Variants in MDH1B observed in about 807,000 individuals in gnomAD.
MDH1B encodes the protein malate dehydrogenase 1B.
In MDH1B, 60 loss-of-function variants were observed where a neutral mutation model predicts 61.4. The ratio of observed to expected loss-of-function variants is 0.98; its 90% CI spans 0.79 to 1.21. The LOEUF (loss-of-function observed/expected upper bound fraction) is 1.21, where lower values mean the gene tolerates loss of function less well. Ranked by LOEUF, MDH1B falls within the 50% of genes most tolerant of loss-of-function variation. The pLI is 0.00. For synonymous variants in MDH1B, 236 were observed against 218.7 expected, an observed-to-expected ratio of 1.08 and a Z score of -0.70; for missense variants, 587 against 632.1, an observed-to-expected ratio of 0.93 and a Z score of 0.76.
At chr2:206,762,115 C>G (rs1437229871) in intron 1 of MDH1B, among the ~76,000 whole-genome samples, 1 of 152,118 alleles carries the variant, frequency 6.6e-6, no homozygotes, top group Non-Finnish European at 1.5e-5. Context: ...GGCCCTCAAC[C>G]CTGCGTGGAG....
At chr2:206,748,266 C>A (rs1158015387) in intron 7 of MDH1B, among the ~76,000 whole-genome samples, 1 of 152,166 alleles carries the variant, frequency 6.6e-6, no homozygotes, top group Non-Finnish European at 1.5e-5. Flanking sequence ...GTGGTCCCAG[C>A]TACTCGGGAG....
At chr2:206,744,918 C>G (rs1688012891) in intron 9 of MDH1B, among the ~76,000 whole-genome samples, 1 of 151,180 alleles carries the variant, frequency 6.6e-6, no homozygotes, top group Admixed American at 6.6e-5. Flanking sequence ...GAGCAAGACT[C>G]TGTCTAAATA....
chr2:206,749,248 C>A, intron 6 of MDH1B, 65 bp from the exon 7 acceptor site: 2 of 1,430,292 alleles, frequency 1.4e-6, no homozygotes, highest in South Asian at 1.2e-5. Flanking sequence ...AGGATGTTCC[C>A]TGGCTCAGTG....
At chr2:206,745,206 A>G (rs1688038145) in intron 9 of MDH1B, among the ~76,000 whole-genome samples, 1 of 152,180 alleles carries the variant, frequency 6.6e-6, no homozygotes, top group African/African-American at 2.4e-5. Context: ...CAAGCAGTGC[A>G]ACCCAAAGCT....
chr2:206,741,588 C>G (rs1212891031), intron 9 of MDH1B, among the ~76,000 whole-genome samples: 1 of 152,160 alleles, frequency 6.6e-6, no homozygotes, highest in Non-Finnish European at 1.5e-5. Context: ...CATTGGACTC[C>G]AAGTTTTTCA....
intron 2 of MDH1B, among the ~76,000 whole-genome samples, chr2:206,758,759 T>A (rs1405096390): frequency 3.4e-5 from 5 of 148,512 alleles, no homozygotes; most frequent in African/African-American, 1.3e-4. Context: ...AGGGCGAAAC[T>A]CCATCTCAAA....
chr2:206,745,509 G>A, intron 9 of MDH1B, 113 bp downstream of exon 9: 11 of 813,212 alleles, frequency 1.4e-5, no homozygotes, highest in Non-Finnish European at 2.0e-5. Flanking sequence ...CATTAGTTTA[G>A]AAATGACAAA....
At chr2:206,748,788 C>T (rs1688269070) in intron 7 of MDH1B, among the ~76,000 whole-genome samples, 1 of 152,206 alleles carries the variant, frequency 6.6e-6, no homozygotes, top group Non-Finnish European at 1.5e-5. Flanking sequence ...CTGTAGGTTT[C>T]CTGAAGGCAG....
chr2:206,756,018 A>G (rs1688740704), intron 4 of MDH1B, among the ~76,000 whole-genome samples: 2 of 151,704 alleles, frequency 1.3e-5, no homozygotes, highest in South Asian at 4.2e-4. Flanking sequence ...GTGTATCTGT[A>G]GCCACAATTC....
At chr2:206,764,155 G>A (rs1301828025) in intron 1 of MDH1B, among the ~76,000 whole-genome samples, 1 of 152,022 alleles carries the variant, frequency 6.6e-6, no homozygotes, top group African/African-American at 2.4e-5. Flanking sequence ...AAAATTAGCT[G>A]GGCATGCTGG....
intron 7 of MDH1B, among the ~76,000 whole-genome samples, chr2:206,747,176 A>G (rs1259575595): frequency 6.6e-6 from 1 of 152,136 alleles, no homozygotes; most frequent in Admixed American, 6.6e-5. Flanking sequence ...AACAACAACA[A>G]CAACAACAAC....
At chr2:206,756,145 G>C (rs1233945158) in intron 4 of MDH1B, among the ~76,000 whole-genome samples, 1 of 152,044 alleles carries the variant, frequency 6.6e-6, no homozygotes, top group African/African-American at 2.4e-5. Flanking sequence ...GTGTATAATG[G>C]GGGTTTCAAC....
intron 2 of MDH1B, among the ~76,000 whole-genome samples, chr2:206,759,687 G>A (rs1446143617): frequency 2.0e-5 from 3 of 152,172 alleles, no homozygotes; most frequent in African/African-American, 7.2e-5. Context: ...CTAATAACCT[G>A]TAATGTTGAG....
Position 206,741,333 on chromosome 2 carries a change from G to C in MDH1B, c.1409-229C>G, listed in dbSNP as rs571966789. 81 of 598,254 alleles carry C rather than the reference G, an allele frequency of 1.4e-4. No individual in the cohort carries two copies. The East Asian group carries it at 2.5e-3, about 19-fold the overall frequency. The allele number at this position is 598,254 out of a possible 1,614,324, so 37.1% of individuals were successfully genotyped here. A position where few individuals can be genotyped will look rare whatever the true frequency, so the allele number is the denominator to read the frequency against. On this transcript the variant is annotated intron_variant, in intron 9 of 11. Transcript: ENST00000374412. ...TTCTAATTGTGATGGTTAATACCGAGTGCCAACTTGATTGGATTGAAGGAT... is the reference window on the plus strand; with the variant it reads ...TTCTAATTGTGATGGTTAATACCGACTGCCAACTTGATTGGATTGAAGGAT...
chr2:206,747,059 CTG>C (rs1261198376), intron 7 of MDH1B, among the ~76,000 whole-genome samples: 2 of 152,092 alleles, frequency 1.3e-5, no homozygotes, highest in Non-Finnish European at 2.9e-5. Context: ...TTATTACTAA[CTG>C]AGCACCATTC....
chr2:206,752,897 G>T (rs1426341970), intron 5 of MDH1B, among the ~76,000 whole-genome samples: 4 of 151,298 alleles, frequency 2.6e-5, no homozygotes, highest in African/African-American at 9.7e-5. Flanking sequence ...TCACGCCTTA[G>T]GTCCACCTAT....
chr2:206,751,113 G>T, intron 5 of MDH1B, 38 bp from the exon 6 acceptor site: 3 of 1,407,730 alleles, frequency 2.1e-6, no homozygotes, highest in Non-Finnish European at 2.9e-6. Flanking sequence ...TAATAATAAT[G>T]TATGTTAATA....
At chr2:206,760,871 T>G in intron 2 of MDH1B, 30 bp downstream of exon 2, 2 of 1,251,440 alleles carry the variant, frequency 1.6e-6, no homozygotes, top group Non-Finnish European at 2.3e-6. Flanking sequence ...TGTGCATGAG[T>G]GAGTTCAACA....
chr2:206,764,449 T>C (rs1318258644), intron 1 of MDH1B, among the ~76,000 whole-genome samples: 1 of 152,160 alleles, frequency 6.6e-6, no homozygotes, highest in Non-Finnish European at 1.5e-5. Context: ...AGTAGAAGCC[T>C]TCTTCCAAGA....
Sources: gnomAD v4.1 joint callset for allele counts (sites outside exome capture counted in the v4.1 genomes callset) on GRCh38, gnomAD v4.1.1 for gene constraint, MANE v1.5 for transcripts, NCBI Gene and HGNC (gene_info 2026-07-23, HGNC 2026-07-21) for gene names.